Variants in F11 observed in about 807,000 individuals in gnomAD.
The protein encoded by F11 is coagulation factor XI, also known as coagualtion factor XI.
Under a neutral mutation model 76.5 loss-of-function variants are expected in F11, and 78 were observed. That is an observed-to-expected ratio of 1.02 (90% CI 0.85 to 1.23). The LOEUF is 1.23. Ranked by LOEUF, F11 falls within the 50% of genes most tolerant of loss-of-function variation. The pLI, the probability that F11 is intolerant of heterozygous loss-of-function variation, is 0.00. For missense variants in F11, 742 were observed against 771.4 expected (o/e 0.96, Z 0.45); for synonymous variants, 278 against 276.3 (o/e 1.01, Z -0.06).
intron 10 of F11, chr4:186,282,200 T>TC: frequency 9.4e-7 from 1 of 1,061,360 alleles, no homozygotes; most frequent in Non-Finnish European, 1.2e-6. Flanking sequence ...GACTGCATTT[T>TC]CCCCCTTCCT....
At chr4:186,270,283 T>G (rs1053928911) in intron 2 of F11, among the ~76,000 whole-genome samples, 6 of 152,256 alleles carry the variant, frequency 3.9e-5, no homozygotes, top group African/African-American at 1.4e-4. Flanking sequence ...AAGCAGCATG[T>G]GTTCCATGTG....
chr4:186,275,049 C>T (rs922356860), intron 5 of F11: 1 of 349,058 alleles, frequency 2.9e-6, no homozygotes, highest in South Asian at 2.3e-5. Context: ...AACACACACA[C>T]CAAACCCCTA....
chr4:186,273,288 C>T (rs931661638), intron 4 of F11, 111 bp downstream of exon 4: 4 of 864,932 alleles, frequency 4.6e-6, no homozygotes, highest in Non-Finnish European at 7.8e-6. Flanking sequence ...GAAATAAACC[C>T]CCTTAATGAA....
intron 7 of F11, among the ~76,000 whole-genome samples, chr4:186,279,623 G>A (rs1482060167): frequency 1.3e-5 from 2 of 152,134 alleles, no homozygotes; most frequent in South Asian, 2.1e-4. Flanking sequence ...GTAAACGACG[G>A]ACTTCACCCA....
chr4:186,269,809 A>G (rs146711494), intron 2 of F11, among the ~76,000 whole-genome samples: 9 of 152,368 alleles, frequency 5.9e-5, no homozygotes, highest in Admixed American at 4.6e-4. Context: ...ATATGTGCCG[A>G]AAAATGCTTG....
intron 10 of F11, among the ~76,000 whole-genome samples, chr4:186,281,430 T>C (rs1580092734): frequency 6.6e-6 from 1 of 152,084 alleles, no homozygotes; most frequent in Non-Finnish European, 1.5e-5. Context: ...TGTGGTAGGA[T>C]GGAAATAAGT....
At chr4:186,268,931 C>T (rs1392944726) in intron 2 of F11, among the ~76,000 whole-genome samples, 9 of 152,060 alleles carry the variant, frequency 5.9e-5, no homozygotes, top group African/African-American at 2.2e-4. Flanking sequence ...AAGAAGAAAT[C>T]GCAGAAATTA....
Position 186,288,879 on chromosome 4 carries a change from A to G in F11, c.*265A>G, listed in dbSNP as rs4253429. The G allele has an allele frequency of 0.16, 69,686 of 438,584 alleles. 6,064 individuals carry two copies. Among genetic ancestry groups the G allele is most frequent in the Middle Eastern group, 0.19 (266 of 1,412 alleles). 27.2% of individuals were successfully genotyped at this position (438,584 alleles called of 1,614,324 possible). ...AGTCCAAGAATTACCATAAGGCAAT[A>G]TTTCTGAAGATTACTATATAGGCAG... On this transcript the variant is annotated 3_prime_UTR_variant, in exon 15 of 15. Transcript: ENST00000403665.
rs994758668 is a variant in F11, at chr4:186,289,415, G to T, written c.*801G>T. ...AGACAAGCTGCTGCTGTGACTATGG[G>T]CTCCCAAAGAGCTAGATCGTATATT... is the stretch of plus-strand genomic sequence containing the variant. On this transcript the variant is annotated 3_prime_UTR_variant, in exon 15 of 15. Coordinates refer to ENST00000403665, the MANE Select transcript of F11 (RefSeq NM_000128.4). Among the ~76,000 whole-genome samples the T allele has an allele frequency of 3.9e-5, 6 of 152,136 alleles. No homozygotes were observed. The highest frequency in any genetic ancestry group is 5.9e-5 in the Non-Finnish European group (4 of 68,042).
rs1401819914 is a variant in F11 at position 186,287,887 on chromosome 4, TTTTG to T, written c.1716+72_1716+75del. The T allele has an allele frequency of 7.7e-6, 12 of 1,564,846 alleles. No individual in the cohort carries two copies. The African/African-American group carries it at 1.1e-4, about 14-fold the overall frequency. On this transcript the variant is annotated intron_variant, in intron 14 of 14. Coordinates refer to ENST00000403665, the MANE Select transcript of F11 (RefSeq NM_000128.4). ...TGGAATGCTTAATGCGTTGGGGTTTTTTTGTTTGTTTTGTTTTTTTTGTTTGTTT... is the reference window on the plus strand; with the variant it reads ...TGGAATGCTTAATGCGTTGGGGTTTTTTTGTTTTGTTTTTTTTGTTTGTTT...
At chr4:186,272,770 A>G (rs1010481044) in intron 3 of F11, among the ~76,000 whole-genome samples, 6 of 152,234 alleles carry the variant, frequency 3.9e-5, no homozygotes, top group Non-Finnish European at 1.5e-5. Flanking sequence ...TATAAAAATC[A>G]TTTTGTATAG....
Position 186,285,417 on chromosome 4 carries a change from C to T in F11, c.1305-221C>T, listed in dbSNP as rs146882274. ...GTGTGCGTGTGTGTGTGTTGGAGCA[C>T]GGAGGGAGTGCTCATTCATTTTTTG... On this transcript the variant is annotated intron_variant, in intron 11 of 14. Transcript: ENST00000403665. Among the ~76,000 whole-genome samples, 233 of 151,790 alleles carry T rather than the reference C, an allele frequency of 1.5e-3. 1 individual carries two copies. Among genetic ancestry groups the T allele is most frequent in the African/African-American group, 5.3e-3 (218 of 41,384 alleles).
At chr4:186,280,191 G>T in intron 8 of F11, 32 bp from the exon 9 acceptor site, 1 of 1,613,844 alleles carries the variant, frequency 6.2e-7, no homozygotes, top group Non-Finnish European at 8.5e-7. Flanking sequence ...GCTGAGGGAG[G>T]GTCTCACTCT....
chr4:186,277,153 A>C (rs973197524), intron 7 of F11, among the ~76,000 whole-genome samples: 1 of 152,154 alleles, frequency 6.6e-6, no homozygotes, highest in East Asian at 1.9e-4. Flanking sequence ...GAGAATCTAC[A>C]ATATTTGACT....
intron 5 of F11, 172 bp downstream of exon 5, chr4:186,274,447 T>A: frequency 1.3e-6 from 1 of 762,578 alleles, no homozygotes; most frequent in Non-Finnish European, 2.2e-6. Context: ...CTAATTTGGA[T>A]GCATTTCATT....
Position 186,275,746 on chromosome 4 carries a change from G to T in F11, c.486-41G>T, listed in dbSNP as rs749141568. On this transcript the variant is annotated intron_variant, in intron 5 of 14. Coordinates refer to ENST00000403665, the MANE Select transcript of F11 (RefSeq NM_000128.4). Reference sequence around the variant, plus strand: ...TATCTCATGTTTTTTCCTCCTTGCAGTTGGAAGAATAAGACACTTTTCCTT... The same window carrying T: ...TATCTCATGTTTTTTCCTCCTTGCATTTGGAAGAATAAGACACTTTTCCTT... 17 of 1,449,914 alleles carry T rather than the reference G, an allele frequency of 1.2e-5. No individual in the cohort carries two copies. In the South Asian group the frequency reaches 1.9e-4, roughly 16 times the overall value. The allele number at this position is 1,449,914 out of a possible 1,614,324, so 89.8% of individuals were successfully genotyped here. A position where few individuals can be genotyped will look rare whatever the true frequency, so the allele number is the denominator to read the frequency against.
chr4:186,285,773 T>G lies in F11; in HGVS notation c.1440T>G (p.Asp480Glu). 6.2e-7 allele frequency: 1 copy of G among 1,614,154 alleles called. No homozygotes were observed. The highest frequency in any genetic ancestry group is 8.5e-7 in the Non-Finnish European group (1 of 1,180,014). The change falls in exon 12 of 15, where the codon GAT becomes GAG. Residue 480 changes from aspartate to glutamate, a missense_variant. Transcript: ENST00000403665. ...ATAAAATGGCAGAAAGCGGGTATGA[T>G]ATTGCCTTGTTGAAACTGGAAACCA... ...DQYKMAESGY[D>E]IALLKLETTV...
At chr4:186,270,349 A>G (rs538114750) in intron 2 of F11, among the ~76,000 whole-genome samples, 7 of 152,318 alleles carry the variant, frequency 4.6e-5, no homozygotes, top group Admixed American at 2.6e-4. Flanking sequence ...AAAAAATTGT[A>G]TCTGTACTCA....
intron 1 of F11, among the ~76,000 whole-genome samples, chr4:186,266,819 G>C (rs184583891): frequency 2.0e-5 from 3 of 152,134 alleles, no homozygotes; most frequent in East Asian, 1.9e-4. Flanking sequence ...TGGGGAGAGC[G>C]GTCAGATGGT....
Sources: allele counts gnomAD v4.1 joint callset (sites outside exome capture counted in the v4.1 genomes callset), GRCh38; gene constraint gnomAD v4.1.1; transcripts MANE v1.5; gene names NCBI Gene and HGNC (gene_info 2026-07-23, HGNC 2026-07-21).